Variants in EYA1 observed in about 807,000 individuals in gnomAD.
The protein encoded by EYA1 is protein phosphatase EYA1.
A neutral mutation model predicts 82.0 loss-of-function variants in EYA1; 16 were observed. That is an observed-to-expected ratio of 0.20 (90% CI 0.13 to 0.30). EYA1 has a LOEUF of 0.30. Ranked by LOEUF, EYA1 falls within the 10% of genes least tolerant of loss-of-function variation. The probability of loss-of-function intolerance (pLI) is 1.00; values close to 1 mark genes in which losing one functional copy is unlikely to be tolerated. For synonymous variants in EYA1, 261 were observed against 264.4 expected (o/e 0.99, Z 0.12); for missense variants, 633 against 730.7 (o/e 0.87, Z 1.54).
intron 3 of EYA1, among the ~76,000 whole-genome samples, chr8:71,345,991 AACAC>A (rs144686032): frequency 6.0e-5 from 9 of 151,232 alleles, no homozygotes; most frequent in African/African-American, 2.2e-4. Context: ...CATACACACA[AACAC>A]ACACACACAC....
At chr8:71,398,445 T>G (rs1829760161) in intron 2 of EYA1, among the ~76,000 whole-genome samples, 1 of 152,182 alleles carries the variant, frequency 6.6e-6, no homozygotes, top group Non-Finnish European at 1.5e-5. Context: ...ACCTTTGGTC[T>G]TTGATGTTGG....
intron 2 of EYA1, among the ~76,000 whole-genome samples, chr8:71,469,046 C>G (rs1808982988): frequency 6.6e-6 from 1 of 151,968 alleles, no homozygotes; most frequent in South Asian, 2.1e-4. Flanking sequence ...CAATTATGAG[C>G]TTGGAACTTA....
At position 71,321,899 on chromosome 8, in the gene EYA1, G is replaced by A. The variant is rs758443103; in HGVS notation, c.273-20C>T. ...GGTCTGCTATTTGTCAGAAATGACA[G>A]AAAATAGAAAGCCCATGCATTAGAT... is the stretch of plus-strand genomic sequence containing the variant. On this transcript the variant is annotated intron_variant, in intron 5 of 17. Transcript: ENST00000340726. The A allele has an allele frequency of 1.3e-5, 21 of 1,614,220 alleles. No homozygotes were observed. In the Middle Eastern group the frequency reaches 1.8e-3, roughly 140 times the overall value.
At chr8:71,319,858 T>C (rs58237952) in intron 6 of EYA1, among the ~76,000 whole-genome samples, 3,612 of 152,272 alleles carry the variant, frequency 0.024, 139 homozygotes, top group African/African-American at 0.082. Flanking sequence ...ATAGAACTTT[T>C]GGATCAGAAG....
At chr8:71,347,535 G>A (rs1825860933) in intron 3 of EYA1, among the ~76,000 whole-genome samples, 2 of 151,990 alleles carry the variant, frequency 1.3e-5, no homozygotes, top group South Asian at 4.2e-4. Context: ...TGTTATCCAG[G>A]ATAGTCTCGA....
chr8:71,267,491 T>C lies in EYA1; in HGVS notation c.1050+2249A>G, dbSNP rs542927668. ...AAGGATACACTTATATTTAAGAAAC[T>C]CAAATAGCCTGTACTTCAGAGAGTA... is the stretch of plus-strand genomic sequence containing the variant. On this transcript the variant is annotated intron_variant, in intron 11 of 17. Coordinates refer to ENST00000340726, the MANE Select transcript of EYA1 (RefSeq NM_000503.6). Among the ~76,000 whole-genome samples the C allele has an allele frequency of 1.1e-4, 16 of 152,330 alleles. No individual in the cohort carries two copies. The East Asian group carries it at 3.1e-3, about 29-fold the overall frequency.
intron 1 of EYA1, among the ~76,000 whole-genome samples, chr8:71,360,138 CTGAT>C (rs1827245124): frequency 6.6e-6 from 1 of 152,132 alleles, no homozygotes; most frequent in Non-Finnish European, 1.5e-5. Context: ...AATACTACTG[CTGAT>C]TATTTTCAAG....
At chr8:71,387,999 G>A (rs1468195033) in intron 2 of EYA1, among the ~76,000 whole-genome samples, 3 of 152,116 alleles carry the variant, frequency 2.0e-5, no homozygotes, top group Non-Finnish European at 4.4e-5. Context: ...GAATAAGCTA[G>A]CATATGCCAG....
chr8:71,491,679 C>A (rs957282203), intron 2 of EYA1, among the ~76,000 whole-genome samples: 1 of 152,274 alleles, frequency 6.6e-6, no homozygotes, highest in South Asian at 2.1e-4. Context: ...AAATCAATTT[C>A]TGTTGAGCCA....
intron 2 of EYA1, among the ~76,000 whole-genome samples, chr8:71,384,360 T>C (rs1828865068): frequency 6.6e-6 from 1 of 152,192 alleles, no homozygotes; most frequent in Non-Finnish European, 1.5e-5. Flanking sequence ...CAGACTTCAC[T>C]GGCTGTTCTC....
chr8:71,431,034 G>A (rs1351770361), intron 2 of EYA1, among the ~76,000 whole-genome samples: 2 of 152,102 alleles, frequency 1.3e-5, no homozygotes, highest in African/African-American at 4.8e-5. Context: ...GGATTTTTTA[G>A]TCTATGTTTG....
intron 10 of EYA1, among the ~76,000 whole-genome samples, chr8:71,271,442 C>T (rs899248426): frequency 6.6e-6 from 1 of 152,056 alleles, no homozygotes; most frequent in African/African-American, 2.4e-5. Flanking sequence ...TAGTATGACA[C>T]TTAATTAAAA....
chr8:71,518,704 T>C (rs1454580732), intron 2 of EYA1, among the ~76,000 whole-genome samples: 1 of 152,112 alleles, frequency 6.6e-6, no homozygotes, highest in African/African-American at 2.4e-5. Flanking sequence ...TGAAAACAAA[T>C]CAAAAGAAAT....
chr8:71,231,900 A>C (rs2128881859), intron 12 of EYA1, among the ~76,000 whole-genome samples: 1 of 152,358 alleles, frequency 6.6e-6, no homozygotes, highest in South Asian at 2.1e-4. Context: ...AGTGAGAAAG[A>C]AAGCTTTCAA....
In EYA1 at chr8:71,494,365, G is replaced by A. The variant is rs371619923; in HGVS notation, c.33+41379C>T. On this transcript the variant is annotated intron_variant, in intron 2 of 18. Transcript: ENST00000643681. ...TTGCTTATTTTTTTTTAGTTTATAC[G>A]TTTCCTCCATCTAATCAATGTGTTA... Among the ~76,000 whole-genome samples the A allele has an allele frequency of 2.2e-4, 33 of 151,928 alleles. 1 individual carries two copies. In the East Asian group the frequency reaches 2.9e-3, roughly 13 times the overall value.
At chr8:71,367,476 C>T (rs55732288) in intron 2 of EYA1, among the ~76,000 whole-genome samples, 2,346 of 151,720 alleles carry the variant, frequency 0.015, 80 homozygotes, top group African/African-American at 0.054. Context: ...AGGGAACCCC[C>T]AAACCTAATA....
At chr8:71,520,648 C>T (rs1276303322) in intron 2 of EYA1, among the ~76,000 whole-genome samples, 1 of 152,068 alleles carries the variant, frequency 6.6e-6, no homozygotes, top group Non-Finnish European at 1.5e-5. Context: ...AGATGAAGAA[C>T]ACTTCCTCTC....
At chr8:71,337,410 T>C (rs751415774) in intron 3 of EYA1, among the ~76,000 whole-genome samples, 4 of 152,194 alleles carry the variant, frequency 2.6e-5, no homozygotes, top group Non-Finnish European at 5.9e-5. Flanking sequence ...TTTAAAAATA[T>C]TCAAAAATTC....
chr8:71,287,112 T>G (rs1818472588), intron 9 of EYA1, among the ~76,000 whole-genome samples: 1 of 152,094 alleles, frequency 6.6e-6, no homozygotes, highest in Non-Finnish European at 1.5e-5. Context: ...AATTTTTTTT[T>G]TAGATTTTGG....
Sources: gnomAD v4.1 joint callset for allele counts (sites outside exome capture counted in the v4.1 genomes callset) on GRCh38, gnomAD v4.1.1 for gene constraint, MANE v1.5 for transcripts, NCBI Gene and HGNC (gene_info 2026-07-23, HGNC 2026-07-21) for gene names.